Variants in ANKRD13C observed in about 807,000 individuals in gnomAD.
The protein encoded by ANKRD13C is ankyrin repeat domain-containing protein 13C.
In ANKRD13C, 16 loss-of-function variants were observed where a neutral mutation model predicts 65.5. The observed-to-expected ratio is 0.24, with a 90% CI of 0.17 to 0.37. ANKRD13C has a LOEUF of 0.37. Ranked by LOEUF, ANKRD13C falls within the 10% of genes least tolerant of loss-of-function variation. ANKRD13C has a pLI of 1.00. For synonymous variants in ANKRD13C, 235 were observed against 238.7 expected (o/e 0.98, Z 0.14); for missense variants, 503 against 655.9 (o/e 0.77, Z 2.55).
Position 70,336,064 on chromosome 1 carries a change from T to G in ANKRD13C, c.466A>C (p.Asn156His). 1 of 821,826 alleles carries G rather than the reference T, an allele frequency of 1.2e-6. No individual in the cohort carries two copies. The highest frequency in any genetic ancestry group is 2.5e-5 in the South Asian group (1 of 40,794). The allele number at this position is 821,826 out of a possible 1,614,324, so 50.9% of individuals were successfully genotyped here. The change falls in exon 2 of 13, where the codon AAT becomes CAT. Residue 156 changes from asparagine (N) to histidine (H), a missense_variant. By Grantham distance (68) the Asn-to-His change is moderately conservative. Around this residue, in one of 2 missense-constraint regions of ANKRD13C, gnomAD observed 300 missense variants for 478.3 expected, o/e 0.63. Transcript: ENST00000370944. ...TPLHLAVMLG[N>H]KECAHLLLAH... ...AAAGAAAATATTTACTAACCTTTAT[T>G]TCCTAACATCACAGCAAGGTGTAAA...
rs1340314760 is a variant in ANKRD13C, at chr1:70,260,801, C to T, written c.*1916G>A. ...AGTAGTCTTCCTACCTCCAGTGTAC[C>T]CCAGCAAAATATTCATAGCTGTGCT... On this transcript the variant is annotated 3_prime_UTR_variant, in exon 13 of 13. Transcript: ENST00000370944. The T allele has an allele frequency of 2.0e-5, 3 of 152,004 alleles. No individual in the cohort carries two copies. The highest frequency in any genetic ancestry group is 4.4e-5 in the Non-Finnish European group (3 of 67,962). The allele number at this position is 152,004 out of a possible 1,614,324, so 9.4% of individuals were successfully genotyped here. A position where few individuals can be genotyped will look rare whatever the true frequency, so the allele number is the denominator to read the frequency against.
At chr1:70,350,997 C>T (rs1341181318) in intron 1 of ANKRD13C, among the ~76,000 whole-genome samples, 5 of 152,248 alleles carry the variant, frequency 3.3e-5, no homozygotes, top group Middle Eastern at 6.8e-3. Context: ...CCAGTCTCTA[C>T]TTAAAATACA....
intron 9 of ANKRD13C, among the ~76,000 whole-genome samples, chr1:70,279,908 CAACTAAG>C (rs1679313944): frequency 6.6e-6 from 1 of 152,150 alleles, no homozygotes. Flanking sequence ...GAGTCCATCT[CAACTAAG>C]AACTAAGTTT....
chr1:70,350,049 A>G (rs1682682771), intron 1 of ANKRD13C, among the ~76,000 whole-genome samples: 1 of 152,236 alleles, frequency 6.6e-6, no homozygotes, highest in South Asian at 2.1e-4. Flanking sequence ...AGGCTGAGAC[A>G]GGAGAATTGC....
At chr1:70,273,700 A>G (rs531452236) in intron 11 of ANKRD13C, among the ~76,000 whole-genome samples, 11 of 151,738 alleles carry the variant, frequency 7.2e-5, no homozygotes, top group African/African-American at 1.7e-4. Flanking sequence ...CGGACTCTCC[A>G]GGCTGGAGTG....
intron 9 of ANKRD13C, among the ~76,000 whole-genome samples, chr1:70,280,318 G>A (rs924391864): frequency 1.3e-5 from 2 of 152,130 alleles, no homozygotes; most frequent in African/African-American, 2.4e-5. Context: ...CTCCTGAATT[G>A]AGGAGTCTAA....
intron 1 of ANKRD13C, among the ~76,000 whole-genome samples, 197 bp from the exon 2 acceptor site, chr1:70,336,296 A>C (rs1479460094): frequency 1.3e-5 from 2 of 152,090 alleles, no homozygotes; most frequent in East Asian, 3.9e-4. Context: ...TGTACTCTCC[A>C]ACCCCTCCAA....
At chr1:70,279,165 C>CCA (rs1679271164) in intron 9 of ANKRD13C, among the ~76,000 whole-genome samples, 1 of 151,964 alleles carries the variant, frequency 6.6e-6, no homozygotes, top group South Asian at 2.1e-4. Flanking sequence ...CGAGATCATG[C>CCA]CACTGCACTC....
At chr1:70,303,579 A>T (rs1041293351) in intron 6 of ANKRD13C, among the ~76,000 whole-genome samples, 1 of 152,196 alleles carries the variant, frequency 6.6e-6, no homozygotes, top group African/African-American at 2.4e-5. Flanking sequence ...TAGTACTCTC[A>T]AGAATAATGT....
At chr1:70,312,994 A>C (rs1447926886) in intron 5 of ANKRD13C, among the ~76,000 whole-genome samples, 1 of 152,208 alleles carries the variant, frequency 6.6e-6, no homozygotes, top group African/African-American at 2.4e-5. Context: ...AGTGGCTATA[A>C]AGTATGCAAG....
chr1:70,286,942 G>A (rs1238264571), intron 9 of ANKRD13C, among the ~76,000 whole-genome samples: 1 of 152,046 alleles, frequency 6.6e-6, no homozygotes, highest in East Asian at 1.9e-4. Flanking sequence ...CTGAGATCGT[G>A]CCACTGCACT....
intron 5 of ANKRD13C, among the ~76,000 whole-genome samples, chr1:70,309,409 G>A (rs886075824): frequency 6.8e-6 from 1 of 148,020 alleles, no homozygotes; most frequent in African/African-American, 2.5e-5. Context: ...TAAGCTTAAT[G>A]TTTTCTATCT....
intron 6 of ANKRD13C, among the ~76,000 whole-genome samples, chr1:70,304,910 C>T (rs1217224982): frequency 6.6e-6 from 1 of 152,088 alleles, no homozygotes; most frequent in Non-Finnish European, 1.5e-5. Context: ...TCTGTAATGA[C>T]AGTGCATTTA....
intron 1 of ANKRD13C, among the ~76,000 whole-genome samples, chr1:70,352,339 CAAAAAAAA>C (rs397965041): frequency 1.8e-4 from 11 of 60,798 alleles, no homozygotes; most frequent in Non-Finnish European, 2.2e-4. Flanking sequence ...GACTCCGTCT[CAAAAAAAA>C]AAAAAAAAAA....
Position 70,319,896 on chromosome 1 carries a change from G to A in ANKRD13C, c.578-4330C>T, listed in dbSNP as rs1681234380. Reference sequence around the variant, plus strand: ...GTAGGATGACTTCCTCAATATCAAAGTTAATGGCACATCCTGACTATGTTT... The same window carrying A: ...GTAGGATGACTTCCTCAATATCAAAATTAATGGCACATCCTGACTATGTTT... On this transcript the variant is annotated intron_variant, in intron 3 of 12. Coordinates refer to ENST00000370944, the MANE Select transcript of ANKRD13C (RefSeq NM_030816.5). Among the ~76,000 whole-genome samples the A allele has an allele frequency of 3.9e-5, 6 of 152,012 alleles. No individual in the cohort carries two copies. The South Asian group carries it at 1.2e-3, about 32-fold the overall frequency.
intron 7 of ANKRD13C, among the ~76,000 whole-genome samples, chr1:70,297,356 C>T (rs1344714674): frequency 7.8e-5 from 11 of 141,366 alleles, no homozygotes; most frequent in Non-Finnish European, 1.7e-4. Context: ...TGCAGTGGCA[C>T]AATCTCAGCT....
intron 12 of ANKRD13C, among the ~76,000 whole-genome samples, chr1:70,265,011 G>A (rs1182849790): frequency 6.6e-6 from 1 of 152,186 alleles, no homozygotes; most frequent in Non-Finnish European, 1.5e-5. Context: ...GGAACAGCCA[G>A]GAGGCCAATG....
chr1:70,341,371 T>G (rs1258527454), intron 1 of ANKRD13C, among the ~76,000 whole-genome samples: 15 of 149,990 alleles, frequency 1.0e-4, no homozygotes, highest in African/African-American at 2.5e-5. Context: ...GTGTTTTTTT[T>G]TTTTTTTTTT....
At chr1:70,353,898 G>C in intron 1 of ANKRD13C, 81 bp downstream of exon 1, 1 of 1,426,218 alleles carries the variant, frequency 7.0e-7, no homozygotes, top group Non-Finnish European at 9.2e-7. Flanking sequence ...TGCTGGAGGG[G>C]GCCTAGGATT....
Sources: gnomAD v4.1 joint callset for allele counts (sites outside exome capture counted in the v4.1 genomes callset) on GRCh38, gnomAD v4.1.1 for gene constraint, gnomAD v4.1.1 regional missense constraint, MANE v1.5 for transcripts, NCBI Gene and HGNC (gene_info 2026-07-23, HGNC 2026-07-21) for gene names.